PRKG1: variants seen among roughly 807,000 people sequenced by gnomAD.
The protein encoded by PRKG1 is protein kinase cGMP-dependent 1.
PRKG1 carries 35 observed loss-of-function variants against 88.1 expected under a neutral mutation model. The observed-to-expected ratio is 0.40, with a 90% CI of 0.30 to 0.53. The LOEUF (loss-of-function observed/expected upper bound fraction) is 0.53. PRKG1 is among the 20% of genes least tolerant of loss of function. PRKG1 has a pLI of 0.59. For synonymous variants in PRKG1, 303 were observed against 292.5 expected, an observed-to-expected ratio of 1.04 and a Z score of -0.37; for missense variants, 540 against 839.8, an observed-to-expected ratio of 0.64 and a Z score of 4.41.
intron 2 of PRKG1, among the ~76,000 whole-genome samples, chr10:51,365,264 T>TA (rs1193142637): frequency 6.6e-6 from 1 of 151,884 alleles, no homozygotes; most frequent in Non-Finnish European, 1.5e-5. Context: ...ATTAACAACA[T>TA]ATCTAACAGA....
intron 3 of PRKG1, among the ~76,000 whole-genome samples, chr10:51,670,453 A>G (rs1031893754): frequency 1.1e-4 from 16 of 151,364 alleles, no homozygotes; most frequent in Admixed American, 3.3e-4. Context: ...AATGCAAGAT[A>G]AGGCCGGGCG....
At chr10:51,619,914 G>A (rs533631736) in intron 3 of PRKG1, among the ~76,000 whole-genome samples, 1 of 152,188 alleles carries the variant, frequency 6.6e-6, no homozygotes, top group African/African-American at 2.4e-5. Context: ...TGCTTCCTGT[G>A]TATGAGTCCT....
At chr10:51,628,156 C>CTTTATTTA (rs869263288) in intron 3 of PRKG1, among the ~76,000 whole-genome samples, 1 of 59,630 alleles carries the variant, frequency 1.7e-5, no homozygotes, top group African/African-American at 6.0e-5. Flanking sequence ...TTCTTTCTTT[C>CTTTATTTA]TTTCTTTATT....
At chr10:51,185,927 A>T (rs1175590761) in intron 2 of PRKG1, among the ~76,000 whole-genome samples, 1 of 151,802 alleles carries the variant, frequency 6.6e-6, no homozygotes, top group Non-Finnish European at 1.5e-5. Context: ...ATAAACATAG[A>T]ATTATTTCAT....
At chr10:52,198,152 C>T (rs1159119030) in intron 9 of PRKG1, among the ~76,000 whole-genome samples, 1 of 152,176 alleles carries the variant, frequency 6.6e-6, no homozygotes, top group African/African-American at 2.4e-5. Context: ...TGAGCTTCTT[C>T]ATCGTTTTCC....
chr10:51,265,062 T>A (rs1269557845), intron 2 of PRKG1, among the ~76,000 whole-genome samples: 1 of 152,098 alleles, frequency 6.6e-6, no homozygotes, highest in African/African-American at 2.4e-5. Flanking sequence ...ACTTTTCTTA[T>A]ATAACCAGTA....
intron 4 of PRKG1, among the ~76,000 whole-genome samples, chr10:51,831,434 C>A (rs949620540): frequency 6.6e-6 from 1 of 151,662 alleles, no homozygotes; most frequent in Non-Finnish European, 1.5e-5. Context: ...CCTCTACCAG[C>A]CAAGAAAATG....
At chr10:50,994,379 A>C (rs1842811660) in intron 1 of PRKG1, among the ~76,000 whole-genome samples, 1 of 150,054 alleles carries the variant, frequency 6.7e-6, no homozygotes. Context: ...TGACAAGTAG[A>C]TATTCCATCA....
intron 3 of PRKG1, among the ~76,000 whole-genome samples, chr10:51,758,804 T>C (rs7912995): frequency 0.41 from 61,893 of 151,582 alleles, 13,250 homozygotes; most frequent in Middle Eastern, 0.55. Flanking sequence ...GGTTTTAAGC[T>C]CCACATGCAT....
intron 2 of PRKG1, among the ~76,000 whole-genome samples, chr10:51,378,711 A>G (rs1842863072): frequency 2.0e-5 from 3 of 152,182 alleles, no homozygotes; most frequent in Admixed American, 1.3e-4. Context: ...CACTGCTGCT[A>G]TGACCTGTGT....
At chr10:51,102,891 G>C (rs1467084937) in intron 1 of PRKG1, among the ~76,000 whole-genome samples, 3 of 152,062 alleles carry the variant, frequency 2.0e-5, no homozygotes, top group Admixed American at 1.3e-4. Context: ...GACAAAGTAT[G>C]CATGGAGAGG....
rs564851653 is a variant in PRKG1 at position 51,641,190 on chromosome 10, A to C, written c.593-163395A>C. Among the ~76,000 whole-genome samples the C allele has an allele frequency of 2.0e-5, 3 of 152,320 alleles. No individual in the cohort carries two copies. In the South Asian group the frequency reaches 6.2e-4, roughly 32 times the overall value. On this transcript the variant is annotated intron_variant, in intron 3 of 17. Coordinates refer to ENST00000373980, the MANE Select transcript of PRKG1 (RefSeq NM_006258.4). ...GCATCCAGAAGTGACTGGGGAGAGA[A>C]AAACAATAAACAATGAGCTGTGCTC...
At chr10:51,645,471 T>A (rs1382482964) in intron 3 of PRKG1, among the ~76,000 whole-genome samples, 1 of 152,204 alleles carries the variant, frequency 6.6e-6, no homozygotes, top group African/African-American at 2.4e-5. Context: ...ATGTATATGC[T>A]GGGAAATACA....
At chr10:51,253,437 A>G (rs976327319) in intron 2 of PRKG1, among the ~76,000 whole-genome samples, 2 of 151,900 alleles carry the variant, frequency 1.3e-5, no homozygotes, top group Non-Finnish European at 2.9e-5. Context: ...TGGGGAAAAG[A>G]ACTCATCTTT....
chr10:51,349,233 G>A (rs1234484337), intron 2 of PRKG1, among the ~76,000 whole-genome samples: 1 of 152,164 alleles, frequency 6.6e-6, no homozygotes, highest in Non-Finnish European at 1.5e-5. Context: ...GTTTTGTGTG[G>A]AAGACTACGG....
intron 1 of PRKG1, among the ~76,000 whole-genome samples, chr10:51,001,076 A>G (rs1007520661): frequency 3.9e-5 from 6 of 152,206 alleles, no homozygotes; most frequent in African/African-American, 1.4e-4. Context: ...AATTGCTCAC[A>G]TTAATACATC....
At chr10:51,924,214 G>C (rs139915146) in intron 5 of PRKG1, among the ~76,000 whole-genome samples, 205 of 152,118 alleles carry the variant, frequency 1.3e-3, no homozygotes, top group Non-Finnish European at 2.4e-3. Context: ...AACATTTCCT[G>C]TAAAGCAGGT....
chr10:51,944,905 G>C (rs1028781187), intron 5 of PRKG1, among the ~76,000 whole-genome samples: 6 of 151,788 alleles, frequency 4.0e-5, no homozygotes, highest in Non-Finnish European at 8.8e-5. Context: ...TAGGTGTGGT[G>C]TGGTGCTGAA....
chr10:50,991,712 C>T lies in PRKG1; in HGVS notation c.266+68C>T. ...CGGCGCAGAGGCTGGGGGCTCTGGC[C>T]GCGGCGGCGGGGGCGGGTCGGCCCA... On this transcript the variant is annotated intron_variant, in intron 1 of 17. Coordinates refer to the PRKG1 transcript ENST00000401604. This position sits in a 1 kb window ranked among gnomAD's most constrained non-coding sequence, Gnocchi z 4.5. 1 of 1,138,172 alleles carries T rather than the reference C, an allele frequency of 8.8e-7. No homozygotes were observed. Among genetic ancestry groups the T allele is most frequent in the Non-Finnish European group, 1.1e-6 (1 of 922,114 alleles). 70.5% of individuals were successfully genotyped at this position (1,138,172 alleles called of 1,614,324 possible).
Sources: allele counts gnomAD v4.1 joint callset (sites outside exome capture counted in the v4.1 genomes callset), GRCh38; gene constraint gnomAD v4.1.1; non-coding constraint Gnocchi (gnomAD v3.1); transcripts MANE v1.5; gene names NCBI Gene and HGNC (gene_info 2026-07-23, HGNC 2026-07-21).